ETS2: variants seen among roughly 807,000 people sequenced by gnomAD.
The protein encoded by ETS2 is ETS proto-oncogene 2, transcription factor, also known as protein C-ets-2.
Under a neutral mutation model 54.9 loss-of-function variants are expected in ETS2, and 19 were observed. The observed-to-expected ratio is 0.35, with a 90% CI of 0.24 to 0.51. The LOEUF (loss-of-function observed/expected upper bound fraction) is 0.51, where lower values mean the gene tolerates loss of function less well. ETS2 is among the 20% of genes least tolerant of loss of function. ETS2 has a pLI of 0.97. For synonymous variants in ETS2, 219 were observed against 229.3 expected (o/e 0.95, Z 0.41); for missense variants, 417 against 593.0 (o/e 0.70, Z 3.08).
rs552481035 is a variant in ETS2, at chr21:38,824,597, C to T, written c.*1708C>T. On this transcript the variant is annotated 3_prime_UTR_variant, in exon 10 of 10. Transcript: ENST00000360938. ...GAAGAGCAAAGCCAGAGCTGCGCTGCCTCAATACCCACAAAAGACCATTCC... is the reference window on the plus strand; with the variant it reads ...GAAGAGCAAAGCCAGAGCTGCGCTGTCTCAATACCCACAAAAGACCATTCC... 6.6e-6 allele frequency: 1 copy of T among 152,458 alleles called. No homozygotes were observed. Among genetic ancestry groups the T allele is most frequent in the South Asian group, 2.1e-4 (1 of 4,828 alleles). The allele number at this position is 152,458 out of a possible 1,614,324, so 9.4% of individuals were successfully genotyped here. A position where few individuals can be genotyped will look rare whatever the true frequency, so the allele number is the denominator to read the frequency against.
intron 7 of ETS2, among the ~76,000 whole-genome samples, chr21:38,818,993 ATG>A (rs1367272792): frequency 1.3e-5 from 2 of 152,326 alleles, no homozygotes; most frequent in Admixed American, 1.3e-4. Context: ...GGATTTGTGT[ATG>A]TATGTATACC....
chr21:38,817,740 G>A (rs1010861997), intron 6 of ETS2, among the ~76,000 whole-genome samples: 2 of 152,204 alleles, frequency 1.3e-5, no homozygotes, highest in East Asian at 1.9e-4. Flanking sequence ...CCAGGCCAGC[G>A]AGGGAGGGGT....
chr21:38,816,701 A>G (rs1298207484), intron 5 of ETS2, among the ~76,000 whole-genome samples: 1 of 152,204 alleles, frequency 6.6e-6, no homozygotes, highest in African/African-American at 2.4e-5. Flanking sequence ...ATAAATACTT[A>G]ACTGTTTCTT....
intron 2 of ETS2, among the ~76,000 whole-genome samples, 158 bp downstream of exon 2, chr21:38,810,264 T>C (rs1302464512): frequency 6.6e-6 from 1 of 152,242 alleles, no homozygotes; most frequent in Non-Finnish European, 1.5e-5. Flanking sequence ...GCTCTGGTCC[T>C]CAGTTTTCTG....
At chr21:38,815,175 AGTGTGTGTGTGTGT>A (rs3065531) in intron 5 of ETS2, among the ~76,000 whole-genome samples, 194 bp downstream of exon 5, 42,370 of 149,856 alleles carry the variant, frequency 0.28, 6,579 homozygotes, top group South Asian at 0.35. Flanking sequence ...ACTTTATGTG[AGTGTGTGTGTGTGT>A]GTGTGTGTGT....
chr21:38,822,555 A>C, intron 9 of ETS2, 119 bp from the exon 10 acceptor site: 1 of 831,764 alleles, frequency 1.2e-6, no homozygotes, highest in Non-Finnish European at 1.9e-6. Flanking sequence ...GACCTTGTGT[A>C]GGTGTCAAGT....
At position 38,814,866 on chromosome 21, in the gene ETS2, G is replaced by A; in HGVS notation, c.390G>A (p.Gln130=). The part of the protein sequence containing the change: ...NEFSLVNVNL[Q]RFGMNGQMLC... ...TCAGTCTGGTGAACGTGAATCTGCA[G>A]AGGTTCGGCATGAATGGCCAGATGC... The change falls in exon 5 of 10, where the codon CAG becomes CAA. Residue 130 remains glutamine, a synonymous_variant. Coordinates refer to ENST00000360938, the MANE Select transcript of ETS2 (RefSeq NM_005239.6). This position sits in a 1 kb window ranked among gnomAD's most constrained non-coding sequence, Gnocchi z 4.2. 1.9e-6 allele frequency: 3 copies of A among 1,614,230 alleles called. No homozygotes were observed. The highest frequency in any genetic ancestry group is 2.5e-6 in the Non-Finnish European group (3 of 1,180,030).
chr21:38,819,527 C>T lies in ETS2; in HGVS notation c.836C>T (p.Pro279Leu), dbSNP rs762206299. 1 of 1,614,188 alleles carries T rather than the reference C, an allele frequency of 6.2e-7. No individual in the cohort carries two copies. The highest frequency in any genetic ancestry group is 2.2e-5 in the East Asian group (1 of 44,876). ...NSGTPKDHDSPENGADSFESS... is the reference protein window; with the variant it reads ...NSGTPKDHDSLENGADSFESS... ...GGGACTCCCAAAGACCACGACTCCC[C>T]TGAGAACGGTGCGGACAGCTTCGAG... is the stretch of plus-strand genomic sequence containing the variant. The change falls in exon 8 of 10, where the codon CCT becomes CTT. Residue 279 changes from proline (P) to leucine (L), a missense_variant. By Grantham distance (98) the Pro-to-Leu change is moderately conservative. Around this residue, in one of 3 missense-constraint regions of ETS2, gnomAD observed 326 missense variants for 426.1 expected, o/e 0.76. Coordinates refer to ENST00000360938, the MANE Select transcript of ETS2 (RefSeq NM_005239.6).
rs1274039519 is a variant in ETS2, at chr21:38,808,579, G to GGTGT, written c.1-1449_1-1446dup. Among the ~76,000 whole-genome samples, 176 of 65,204 alleles carry GGTGT rather than the reference G, an allele frequency of 2.7e-3. 1 individual carries two copies. The highest frequency in any genetic ancestry group is 9.5e-3 in the African/African-American group (162 of 17,006). The allele number at this position is 65,204 out of a possible 152,430, so 42.8% of individuals were successfully genotyped here. A position where few individuals can be genotyped will look rare whatever the true frequency, so the allele number is the denominator to read the frequency against. On this transcript the variant is annotated intron_variant, in intron 1 of 9. Transcript: ENST00000360938. ...CACCTGCTGCCTTTTAGCCAAGAGG[G>GGTGT]GTGTGTGTGTATGTGTGTGTGTGTG...
At chr21:38,817,869 A>C (rs1490514585) in intron 6 of ETS2, among the ~76,000 whole-genome samples, 2 of 152,178 alleles carry the variant, frequency 1.3e-5, no homozygotes, top group African/African-American at 2.4e-5. Context: ...CTTCCTGCTC[A>C]GGAGGTCTTT....
At chr21:38,807,120 G>A (rs552447481) in intron 1 of ETS2, among the ~76,000 whole-genome samples, 3 of 152,222 alleles carry the variant, frequency 2.0e-5, no homozygotes, top group Non-Finnish European at 4.4e-5. Flanking sequence ...AAAATTCTGA[G>A]TAGTAGCGCA....
intron 2 of ETS2, among the ~76,000 whole-genome samples, chr21:38,810,870 C>T (rs2060911360): frequency 6.6e-6 from 1 of 152,106 alleles, no homozygotes; most frequent in African/African-American, 2.4e-5. Flanking sequence ...CTTTGTATAT[C>T]ATTATTGAGG....
intron 1 of ETS2, among the ~76,000 whole-genome samples, chr21:38,809,395 C>T (rs146638244): frequency 6.6e-6 from 1 of 152,158 alleles, no homozygotes; most frequent in African/African-American, 2.4e-5. Context: ...CCAAGCAACA[C>T]ACAAAGCAGA....
intron 2 of ETS2, among the ~76,000 whole-genome samples, chr21:38,812,275 CA>C (rs933823025): frequency 2.0e-5 from 3 of 152,144 alleles, no homozygotes; most frequent in African/African-American, 7.2e-5. Context: ...ACGGCCTTGT[CA>C]AGGGTCATTT....
chr21:38,815,872 A>G (rs2060930907), intron 5 of ETS2, among the ~76,000 whole-genome samples: 1 of 148,312 alleles, frequency 6.7e-6, no homozygotes, highest in Admixed American at 6.8e-5. Flanking sequence ...CCCGGGAGGC[A>G]GAGGTTGCAG....
intron 2 of ETS2, among the ~76,000 whole-genome samples, chr21:38,812,007 C>A (rs116011345): frequency 6.6e-6 from 1 of 152,120 alleles, no homozygotes; most frequent in Admixed American, 6.5e-5. Context: ...TAAGCCACCC[C>A]GCCTGGCCTG....
At chr21:38,815,987 GA>G (rs1486383877) in intron 5 of ETS2, among the ~76,000 whole-genome samples, 16 of 134 alleles carry the variant, frequency 0.12, no homozygotes, top group African/African-American at 0.28. Flanking sequence ...AGGAAGGAAG[GA>G]AGGAAGGAAG....
At chr21:38,815,800 C>CTGT (rs2123416568) in intron 5 of ETS2, among the ~76,000 whole-genome samples, 1 of 150,420 alleles carries the variant, frequency 6.6e-6, no homozygotes, top group South Asian at 2.1e-4. Flanking sequence ...ATTAGCTGGG[C>CTGT]ATAGTGGCAC....
At chr21:38,807,417 C>T (rs1329677789) in intron 1 of ETS2, among the ~76,000 whole-genome samples, 3 of 133,364 alleles carry the variant, frequency 2.2e-5, no homozygotes, top group South Asian at 2.4e-4. Flanking sequence ...GCTCTTTATC[C>T]TTTTTTTTTT....
Sources: gnomAD v4.1 joint callset for allele counts (sites outside exome capture counted in the v4.1 genomes callset) on GRCh38, gnomAD v4.1.1 for gene constraint, gnomAD v4.1.1 regional missense constraint, Gnocchi (gnomAD v3.1) non-coding constraint, MANE v1.5 for transcripts, NCBI Gene and HGNC (gene_info 2026-07-23, HGNC 2026-07-21) for gene names.